The following PRH1 variants were observed in gnomAD, a reference collection of about 807,000 sequenced individuals.
PRH1 encodes the protein proline rich protein HaeIII subfamily 1.
In PRH1, 7 loss-of-function variants were observed where a neutral mutation model predicts 7.9. The observed-to-expected ratio is 0.89, with a 90% CI of 0.50 to 1.67. PRH1 has a LOEUF of 1.67. Among genes scored for constraint, PRH1 ranks in the 40% most tolerant of loss-of-function variants. The pLI is 0.00. For missense variants in PRH1, 109 were observed against 223.6 expected, an observed-to-expected ratio of 0.49 and a Z score of 3.27; for synonymous variants, 45 against 80.8, an observed-to-expected ratio of 0.56 and a Z score of 2.38.
At chr12:11,043,176 A>G (rs1319528211) in intron 1 of PRH1, among the ~76,000 whole-genome samples, 2 of 152,212 alleles carry the variant, frequency 1.3e-5, no homozygotes, top group Non-Finnish European at 2.9e-5. Context: ...CATCATATCA[A>G]CAGAATGTAG....
chr12:11,114,416 A>G (rs1339086763), intron 1 of PRH1, among the ~76,000 whole-genome samples: 1 of 152,224 alleles, frequency 6.6e-6, no homozygotes, highest in Non-Finnish European at 1.5e-5. Flanking sequence ...CAGAAAACCA[A>G]ACACCACATT....
At chr12:10,993,181 C>T (rs1333509437) in intron 1 of PRH1, among the ~76,000 whole-genome samples, 1 of 152,152 alleles carries the variant, frequency 6.6e-6, no homozygotes, top group East Asian at 1.9e-4. Context: ...GTTTCTGGTT[C>T]TTTGTATGAG....
chr12:11,099,657 A>G (rs1945175212), intron 1 of PRH1, among the ~76,000 whole-genome samples: 1 of 152,146 alleles, frequency 6.6e-6, no homozygotes, highest in African/African-American at 2.4e-5. Flanking sequence ...AGATAGTGCC[A>G]CTGCACTCCA....
At chr12:10,960,348 T>G (rs1185118003) in intron 2 of PRH1, among the ~76,000 whole-genome samples, 1 of 152,218 alleles carries the variant, frequency 6.6e-6, no homozygotes, top group Non-Finnish European at 1.5e-5. Context: ...TATATCCCTA[T>G]TCAGTTAACC....
At chr12:10,941,034 A>C (rs1246658128) in intron 2 of PRH1, among the ~76,000 whole-genome samples, 2 of 152,240 alleles carry the variant, frequency 1.3e-5, no homozygotes, top group Non-Finnish European at 2.9e-5. Context: ...CAAACGTACT[A>C]TCCACATAGA....
intron 1 of PRH1, among the ~76,000 whole-genome samples, chr12:11,025,235 G>T (rs1017903900): frequency 1.3e-5 from 2 of 151,986 alleles, no homozygotes; most frequent in African/African-American, 4.8e-5. Context: ...AGCCAGCATG[G>T]ATTGTCATTA....
chr12:10,949,826 G>A (rs532233582), intron 2 of PRH1, among the ~76,000 whole-genome samples: 2 of 152,144 alleles, frequency 1.3e-5, no homozygotes, highest in East Asian at 1.9e-4. Flanking sequence ...ATACCTTCTT[G>A]TTGATATTGT....
At chr12:11,067,816 T>C (rs1943891653) in intron 1 of PRH1, among the ~76,000 whole-genome samples, 2 of 152,184 alleles carry the variant, frequency 1.3e-5, no homozygotes, top group African/African-American at 4.8e-5. Context: ...TGAGCCAAGA[T>C]TCTGCTTGTG....
chr12:11,112,727 T>C (rs1156286343), intron 1 of PRH1, among the ~76,000 whole-genome samples: 1 of 152,214 alleles, frequency 6.6e-6, no homozygotes, highest in Non-Finnish European at 1.5e-5. Context: ...AGCATTCCCT[T>C]TGAAAATCGG....
chr12:11,098,870 T>C (rs1306932489), intron 1 of PRH1, among the ~76,000 whole-genome samples: 3 of 152,160 alleles, frequency 2.0e-5, no homozygotes, highest in African/African-American at 7.2e-5. Flanking sequence ...AACAAATTAT[T>C]TTCTCAAAAT....
chr12:10,973,204 T>TA (rs34861544), intron 2 of PRH1: 6 of 152,208 alleles, frequency 3.9e-5, no homozygotes, highest in African/African-American at 1.4e-4. Flanking sequence ...CTTGAGCACT[T>TA]AAAAAACATG....
intron 1 of PRH1, among the ~76,000 whole-genome samples, chr12:11,165,807 G>C (rs1947558050): frequency 6.6e-6 from 1 of 152,134 alleles, no homozygotes; most frequent in African/African-American, 2.4e-5. Context: ...TTGTGTTTTG[G>C]GGAAGACTGG....
chr12:11,133,120 T>TATACAC, intron 1 of PRH1: 1 of 496,930 alleles, frequency 2.0e-6, no homozygotes, highest in Non-Finnish European at 3.1e-6. Context: ...CAGTTTTTCA[T>TATACAC]ACACACACAC....
At chr12:11,090,023 G>A (rs111663719) in intron 1 of PRH1, among the ~76,000 whole-genome samples, 1,086 of 84,860 alleles carry the variant, frequency 0.013, 3 homozygotes, top group Non-Finnish European at 0.017. Context: ...CTTTTCATTG[G>A]TTTACCACAT....
intron 2 of PRH1, among the ~76,000 whole-genome samples, chr12:10,954,051 C>G (rs1437780384): frequency 6.6e-6 from 1 of 152,248 alleles, no homozygotes; most frequent in African/African-American, 2.4e-5. Flanking sequence ...CTTTTTCAGA[C>G]AAACAAATGC....
intron 1 of PRH1, among the ~76,000 whole-genome samples, chr12:11,070,292 A>G (rs539959012): frequency 2.0e-4 from 31 of 152,312 alleles, no homozygotes; most frequent in African/African-American, 7.2e-4. Flanking sequence ...CATTCCACCA[A>G]AAAAGGGAAG....
rs1942655140 is a variant in PRH1, at chr12:11,040,325, C to T, written c.-126+6695G>A. Among the ~76,000 whole-genome samples, 4 of 152,198 alleles carry T rather than the reference C, an allele frequency of 2.6e-5. No homozygotes were observed. In the South Asian group the frequency reaches 6.2e-4, roughly 24 times the overall value. On this transcript the variant is annotated intron_variant, in intron 1 of 3. Coordinates refer to the PRH1 transcript ENST00000539853. ...CCAAGACAGGAAACCAGATTTTCTG[C>T]TTCACATAGCTATGCTCTGAGACTT... is the stretch of plus-strand genomic sequence containing the variant.
chr12:11,073,963 G>C (rs990281119), intron 1 of PRH1, among the ~76,000 whole-genome samples: 1 of 145,968 alleles, frequency 6.9e-6, no homozygotes, highest in South Asian at 2.1e-4. Flanking sequence ...ACAAGACTGC[G>C]TGCAACTACA....
intron 1 of PRH1, among the ~76,000 whole-genome samples, chr12:11,068,644 T>C (rs1943924682): frequency 6.6e-6 from 1 of 152,204 alleles, no homozygotes; most frequent in Non-Finnish European, 1.5e-5. Flanking sequence ...GATTAGTAAC[T>C]AAGATACTAA....
Sources: gnomAD v4.1 joint callset for allele counts (sites outside exome capture counted in the v4.1 genomes callset) on GRCh38, gnomAD v4.1.1 for gene constraint, MANE v1.5 for transcripts, NCBI Gene and HGNC (gene_info 2026-07-23, HGNC 2026-07-21) for gene names.